ATF6: variants seen among roughly 807,000 people sequenced by gnomAD.
The protein encoded by ATF6 is activating transcription factor 6.
A neutral mutation model predicts 83.6 loss-of-function variants in ATF6; 53 were observed. That is an observed-to-expected ratio of 0.63 (90% CI 0.51 to 0.80). ATF6 has a LOEUF of 0.80. Ranked by LOEUF, ATF6 falls within the 30% of genes least tolerant of loss-of-function variation. The pLI, the probability that ATF6 is intolerant of heterozygous loss-of-function variation, is 0.00. For missense variants in ATF6, 744 were observed against 797.9 expected (o/e 0.93, Z 0.81); for synonymous variants, 288 against 285.8 (o/e 1.01, Z -0.08).
At chr1:161,860,082 C>A (rs1686850462) in intron 12 of ATF6, 125 bp from the exon 13 acceptor site, 2 of 499,510 alleles carry the variant, frequency 4.0e-6, no homozygotes, top group East Asian at 6.8e-5. Flanking sequence ...ATTATTTGAA[C>A]TGAATATGTC....
intron 9 of ATF6, among the ~76,000 whole-genome samples, chr1:161,833,183 A>C (rs1295998002): frequency 4.3e-4 from 63 of 146,112 alleles, no homozygotes; most frequent in African/African-American, 6.3e-4. Flanking sequence ...AACAGACCTG[A>C]AGCTGAGGGT....
Position 161,846,439 on chromosome 1 carries a change from T to C in ATF6, c.1188-10T>C. On this transcript the variant is annotated splice_polypyrimidine_tract_variant and intron_variant, in intron 9 of 15. Coordinates refer to ENST00000367942, the MANE Select transcript of ATF6 (RefSeq NM_007348.4). ...TATTTCAGCTATTATTTCCTGTTTT[T>C]TATTTTCAGCATGTTGGAACAGGAT... 6.3e-7 allele frequency: 1 copy of C among 1,595,968 alleles called. No individual in the cohort carries two copies. Among genetic ancestry groups the C allele is most frequent in the Non-Finnish European group, 8.5e-7 (1 of 1,172,434 alleles).
chr1:161,956,293 C>T (rs1397058444), intron 15 of ATF6, among the ~76,000 whole-genome samples: 1 of 152,156 alleles, frequency 6.6e-6, no homozygotes, highest in Admixed American at 6.5e-5. Flanking sequence ...TGCGCATACA[C>T]ACACACACAC....
chr1:161,877,101 C>A (rs886576885), intron 14 of ATF6, among the ~76,000 whole-genome samples: 10 of 151,904 alleles, frequency 6.6e-5, no homozygotes, highest in African/African-American at 2.4e-4. Context: ...TCATAACTTT[C>A]TCCATTATTC....
chr1:161,918,548 A>G (rs898267334), intron 15 of ATF6, among the ~76,000 whole-genome samples: 2 of 152,234 alleles, frequency 1.3e-5, no homozygotes, highest in African/African-American at 4.8e-5. Flanking sequence ...TACATAATGT[A>G]TAATCTGAAG....
intron 14 of ATF6, among the ~76,000 whole-genome samples, chr1:161,905,833 G>GT (rs200149149): frequency 0.013 from 1,982 of 151,680 alleles, 48 homozygotes; most frequent in African/African-American, 0.045. Flanking sequence ...TTTGTTTTTT[G>GT]TTTTTTGTTT....
intron 6 of ATF6, among the ~76,000 whole-genome samples, chr1:161,798,670 GACAGCCT>G (rs1685074709): frequency 6.6e-6 from 1 of 152,070 alleles, no homozygotes; most frequent in Non-Finnish European, 1.5e-5. Context: ...AGAGGAATAG[GACAGCCT>G]ACAGAATGGG....
rs1686026157 is a variant in ATF6 at position 161,830,497 on chromosome 1, C to G, written c.1187+9336C>G. Reference sequence around the variant, plus strand: ...AAGAGCCTGCATCGCCAAGTCAATCCTAAGCCAAAAGAACAAAGCTGGAGG... The same window carrying G: ...AAGAGCCTGCATCGCCAAGTCAATCGTAAGCCAAAAGAACAAAGCTGGAGG... On this transcript the variant is annotated intron_variant, in intron 9 of 15. Transcript: ENST00000367942. 1.3e-5 allele frequency among the ~76,000 whole-genome samples: 2 copies of G among 152,148 alleles called. 1 individual carries two copies. Among genetic ancestry groups the G allele is most frequent in the East Asian group, 3.8e-4 (2 of 5,200 alleles).
chr1:161,938,161 G>A (rs745723323), intron 15 of ATF6, among the ~76,000 whole-genome samples: 1 of 152,052 alleles, frequency 6.6e-6, no homozygotes, highest in African/African-American at 2.4e-5. Context: ...TCTACTGTTC[G>A]CCTGTCTGGA....
intron 14 of ATF6, among the ~76,000 whole-genome samples, chr1:161,872,065 CTT>C (rs1461290287): frequency 6.6e-6 from 1 of 151,518 alleles, no homozygotes; most frequent in Non-Finnish European, 1.5e-5. Context: ...TTTAATAACA[CTT>C]ATACAGAACA....
At chr1:161,914,554 A>G (rs1688052651) in intron 15 of ATF6, among the ~76,000 whole-genome samples, 1 of 152,232 alleles carries the variant, frequency 6.6e-6, no homozygotes, top group East Asian at 1.9e-4. Context: ...CCTCCCATCC[A>G]TATGGTCATA....
In ATF6 at chr1:161,772,391, C is replaced by G. The variant is rs544089117; in HGVS notation, c.83-5853C>G. Among the ~76,000 whole-genome samples the G allele has an allele frequency of 3.9e-5, 6 of 152,336 alleles. No individual in the cohort carries two copies. In the East Asian group the frequency reaches 1.2e-3, roughly 29 times the overall value. On this transcript the variant is annotated intron_variant, in intron 1 of 15. Transcript: ENST00000367942. ...ACCAATCATATTTCCCTGGTCCTCT[C>G]ACTGTCCCATTCTGATGATTGCTTT...
chr1:161,861,722 T>C (rs1174416407), intron 13 of ATF6, among the ~76,000 whole-genome samples: 1 of 152,230 alleles, frequency 6.6e-6, no homozygotes, highest in African/African-American at 2.4e-5. Context: ...CATGCGTAGA[T>C]GCTCCCTGGT....
intron 14 of ATF6, among the ~76,000 whole-genome samples, chr1:161,887,372 A>C (rs1687447818): frequency 1.3e-5 from 2 of 151,936 alleles, no homozygotes; most frequent in South Asian, 4.1e-4. Flanking sequence ...GAGCCACTGC[A>C]CTCGGCCTGA....
At chr1:161,875,244 T>C (rs1285029090) in intron 14 of ATF6, among the ~76,000 whole-genome samples, 3 of 151,786 alleles carry the variant, frequency 2.0e-5, no homozygotes, top group African/African-American at 7.2e-5. Flanking sequence ...TCTTTGATGC[T>C]ACACCAAAAT....
intron 9 of ATF6, among the ~76,000 whole-genome samples, chr1:161,830,561 C>T (rs1231592130): frequency 1.3e-5 from 2 of 152,190 alleles, no homozygotes; most frequent in Non-Finnish European, 2.9e-5. Flanking sequence ...TACAAGGCTA[C>T]AGTAACCAAA....
intron 7 of ATF6, among the ~76,000 whole-genome samples, chr1:161,812,377 T>A (rs1443983885): frequency 2.3e-5 from 1 of 43,732 alleles, no homozygotes; most frequent in African/African-American, 1.1e-4. Flanking sequence ...TTTTCTTTTT[T>A]TTTTTTTTTT....
At chr1:161,797,881 A>T (rs1685058390) in intron 6 of ATF6, among the ~76,000 whole-genome samples, 1 of 152,222 alleles carries the variant, frequency 6.6e-6, no homozygotes, top group African/African-American at 2.4e-5. Context: ...AAGCAAAAAG[A>T]ACAAAGCCAG....
At chr1:161,773,093 G>A (rs1249941849) in intron 1 of ATF6, among the ~76,000 whole-genome samples, 1 of 150,048 alleles carries the variant, frequency 6.7e-6, no homozygotes, top group East Asian at 2.0e-4. Flanking sequence ...AGCTTCCTGA[G>A]TAGCTGAGAT....
Sources: allele counts gnomAD v4.1 joint callset (sites outside exome capture counted in the v4.1 genomes callset), GRCh38; gene constraint gnomAD v4.1.1; transcripts MANE v1.5; gene names NCBI Gene and HGNC (gene_info 2026-07-23, HGNC 2026-07-21).